KCNIP1: variants seen among roughly 807,000 people sequenced by gnomAD.
KCNIP1 encodes the protein A-type potassium channel modulatory protein KCNIP1.
KCNIP1 carries 18 observed loss-of-function variants against 33.0 expected under a neutral mutation model. That is an observed-to-expected ratio of 0.55 (90% CI 0.38 to 0.81). The LOEUF (loss-of-function observed/expected upper bound fraction) is 0.81, where lower values mean the gene tolerates loss of function less well. Ranked by LOEUF, KCNIP1 falls within the 30% of genes least tolerant of loss-of-function variation. The pLI is 0.00. For synonymous variants in KCNIP1, 93 were observed against 98.3 expected (o/e 0.95, Z 0.32); for missense variants, 238 against 271.6 (o/e 0.88, Z 0.87).
chr5:170,428,277 G>A (rs571915631), intron 1 of KCNIP1, among the ~76,000 whole-genome samples: 20 of 152,358 alleles, frequency 1.3e-4, no homozygotes, highest in South Asian at 8.3e-4. Flanking sequence ...GGTAAGGAAC[G>A]TGACAGCCAG....
chr5:170,457,963 G>T (rs967526501), intron 1 of KCNIP1, among the ~76,000 whole-genome samples: 1 of 152,122 alleles, frequency 6.6e-6, no homozygotes, highest in Non-Finnish European at 1.5e-5. Context: ...ACAGGTGAAG[G>T]GAGAGATTTT....
At chr5:170,705,022 A>G (rs1581523713) in intron 1 of KCNIP1, among the ~76,000 whole-genome samples, 1 of 152,226 alleles carries the variant, frequency 6.6e-6, no homozygotes, top group East Asian at 1.9e-4. Context: ...TATAGAAATC[A>G]ATACATTAAT....
chr5:170,582,760 C>G (rs952249744), intron 1 of KCNIP1, among the ~76,000 whole-genome samples: 1 of 152,108 alleles, frequency 6.6e-6, no homozygotes. Flanking sequence ...TGGAGTTTCC[C>G]AAAGTACACA....
At chr5:170,696,953 A>C (rs1420920149) in intron 1 of KCNIP1, among the ~76,000 whole-genome samples, 2 of 151,972 alleles carry the variant, frequency 1.3e-5, no homozygotes, top group African/African-American at 2.4e-5. Flanking sequence ...CTGCTCCAGA[A>C]CTTCTGCACA....
intron 1 of KCNIP1, among the ~76,000 whole-genome samples, chr5:170,372,086 C>A (rs955146414): frequency 2.6e-5 from 4 of 152,308 alleles, no homozygotes; most frequent in African/African-American, 9.6e-5. Context: ...TCCTGACTAT[C>A]CACACTTCCA....
At chr5:170,654,213 T>G (rs1761170227) in intron 1 of KCNIP1, among the ~76,000 whole-genome samples, 1 of 152,196 alleles carries the variant, frequency 6.6e-6, no homozygotes, top group Admixed American at 6.5e-5. Context: ...TCTGAGCTCT[T>G]CTGCTGTGGA....
At chr5:170,451,867 A>G (rs1044506456) in intron 1 of KCNIP1, among the ~76,000 whole-genome samples, 1 of 151,958 alleles carries the variant, frequency 6.6e-6, no homozygotes, top group African/African-American at 2.4e-5. Context: ...GAGAAAAAGA[A>G]TGTTATCACT....
chr5:170,553,385 A>G (rs937425188), intron 1 of KCNIP1, among the ~76,000 whole-genome samples: 5 of 152,230 alleles, frequency 3.3e-5, no homozygotes, highest in African/African-American at 1.2e-4. Context: ...CAGAACTATC[A>G]TTATTCCCAT....
chr5:170,733,446 G>T (rs1764277917), intron 6 of KCNIP1, among the ~76,000 whole-genome samples: 1 of 152,198 alleles, frequency 6.6e-6, no homozygotes, highest in Non-Finnish European at 1.5e-5. Context: ...TTTGCAGATG[G>T]GAAAAGAGAG....
intron 1 of KCNIP1, among the ~76,000 whole-genome samples, chr5:170,514,217 A>G (rs1755041134): frequency 6.6e-6 from 1 of 152,212 alleles, no homozygotes; most frequent in Non-Finnish European, 1.5e-5. Flanking sequence ...CCCTGGACCC[A>G]GAGTGAGGGA....
intron 1 of KCNIP1, among the ~76,000 whole-genome samples, chr5:170,554,352 C>T (rs1581317892): frequency 1.3e-5 from 2 of 152,052 alleles, no homozygotes; most frequent in African/African-American, 4.8e-5. Flanking sequence ...TATCCGGATT[C>T]GAGACTTGCT....
chr5:170,504,000 G>A, upstream of KCNIP1: 1 of 599,012 alleles, frequency 1.7e-6, no homozygotes, highest in Non-Finnish European at 2.1e-6. Context: ...CGCCCCCTCC[G>A]CCGCCCCCTC....
intron 5 of KCNIP1, 119 bp downstream of exon 5, chr5:170,722,939 T>C (rs1763878843): frequency 1.5e-6 from 1 of 655,278 alleles, no homozygotes; most frequent in African/African-American, 1.8e-5. Flanking sequence ...GCTTTGGGGC[T>C]AACAGAGCTG....
chr5:170,531,493 T>A (rs1755786680), intron 1 of KCNIP1, among the ~76,000 whole-genome samples: 1 of 152,182 alleles, frequency 6.6e-6, no homozygotes, highest in Non-Finnish European at 1.5e-5. Flanking sequence ...TTGCATGAGA[T>A]AATGAGACCA....
chr5:170,695,066 C>T (rs1429398211), intron 1 of KCNIP1, among the ~76,000 whole-genome samples: 1 of 152,188 alleles, frequency 6.6e-6, no homozygotes, highest in Non-Finnish European at 1.5e-5. Flanking sequence ...CAGCTCTCTC[C>T]AGCTTCCCCA....
intron 1 of KCNIP1, among the ~76,000 whole-genome samples, chr5:170,674,752 T>C (rs1418679950): frequency 6.6e-6 from 1 of 152,162 alleles, no homozygotes; most frequent in Non-Finnish European, 1.5e-5. Context: ...TTTTGTAAAA[T>C]GCCAGGGGAA....
chr5:170,394,880 A>G (rs1754717700), intron 1 of KCNIP1, among the ~76,000 whole-genome samples: 1 of 152,216 alleles, frequency 6.6e-6, no homozygotes, highest in South Asian at 2.1e-4. Flanking sequence ...TAATTTGCTT[A>G]GCATAATGGC....
At chr5:170,631,892 G>A (rs1027919431) in intron 1 of KCNIP1, among the ~76,000 whole-genome samples, 7 of 152,228 alleles carry the variant, frequency 4.6e-5, no homozygotes, top group Non-Finnish European at 1.0e-4. Flanking sequence ...ACTGGCAGCT[G>A]CCTTCATGAC....
At chr5:170,601,392 G>A (rs1469961432) in intron 1 of KCNIP1, among the ~76,000 whole-genome samples, 2 of 152,166 alleles carry the variant, frequency 1.3e-5, no homozygotes, top group Non-Finnish European at 2.9e-5. Flanking sequence ...AACATCATCC[G>A]GGAGCTGGAC....
Sources: allele counts gnomAD v4.1 joint callset (sites outside exome capture counted in the v4.1 genomes callset), GRCh38; gene constraint gnomAD v4.1.1; transcripts MANE v1.5; gene names NCBI Gene and HGNC (gene_info 2026-07-23, HGNC 2026-07-21).